LIPC: variants seen among roughly 807,000 people sequenced by gnomAD.
LIPC encodes the protein lipase C, hepatic type.
A neutral mutation model predicts 50.7 loss-of-function variants in LIPC; 44 were observed. That is an observed-to-expected ratio of 0.87 (90% CI 0.68 to 1.11). The LOEUF (loss-of-function observed/expected upper bound fraction) is 1.11, where lower values mean the gene tolerates loss of function less well. Among genes scored for constraint, LIPC ranks in the 50% most tolerant of loss-of-function variants. The pLI, the probability that LIPC is intolerant of heterozygous loss-of-function variation, is 0.00. For missense variants in LIPC, 697 were observed against 648.2 expected (o/e 1.08, Z -0.82); for synonymous variants, 271 against 256.4 (o/e 1.06, Z -0.54).
chr15:58,500,257 C>G (rs1869142), intron 1 of LIPC, among the ~76,000 whole-genome samples: 3 of 152,014 alleles, frequency 2.0e-5, no homozygotes, highest in African/African-American at 7.3e-5. Flanking sequence ...TCAGTTTCCT[C>G]GTAGGTAAGG....
chr15:58,548,306 C>A (rs1480840096), intron 5 of LIPC, 24 bp from the exon 6 acceptor site: 1 of 1,613,732 alleles, frequency 6.2e-7, no homozygotes, highest in South Asian at 1.1e-5. Context: ...GGGGTGATAA[C>A]GTCCTTCTTG....
chr15:58,538,763 G>A (rs1168943097), intron 2 of LIPC, among the ~76,000 whole-genome samples: 1 of 152,134 alleles, frequency 6.6e-6, no homozygotes, highest in East Asian at 1.9e-4. Context: ...GTGGCTCAAA[G>A]AGGCCACACA....
chr15:58,475,169 G>T (rs1890949064), intron 1 of LIPC, among the ~76,000 whole-genome samples: 1 of 152,140 alleles, frequency 6.6e-6, no homozygotes, highest in Non-Finnish European at 1.5e-5. Flanking sequence ...TCTCTCAAAT[G>T]TGTCCCCTGG....
At chr15:58,567,298 T>TAC (rs1370914770) in intron 8 of LIPC, among the ~76,000 whole-genome samples, 18 of 27,636 alleles carry the variant, frequency 6.5e-4, no homozygotes, top group South Asian at 1.6e-3. Flanking sequence ...TATATACATA[T>TAC]ATATATACAT....
At chr15:58,514,651 C>G (rs566508045) in intron 1 of LIPC, among the ~76,000 whole-genome samples, 3 of 152,206 alleles carry the variant, frequency 2.0e-5, no homozygotes, top group African/African-American at 7.2e-5. Flanking sequence ...TGGCAAAACC[C>G]CATCTCCAGT....
intron 4 of LIPC, among the ~76,000 whole-genome samples, chr15:58,544,931 T>A (rs1893470380): frequency 6.6e-6 from 1 of 152,232 alleles, no homozygotes; most frequent in African/African-American, 2.4e-5. Flanking sequence ...CACAGACATC[T>A]GTCACTTGAG....
In LIPC at chr15:58,568,931, C is replaced by G. The variant is rs1036847298; in HGVS notation, c.*104C>G. 1.5e-6 allele frequency: 1 copy of G among 661,804 alleles called. No homozygotes were observed. Among genetic ancestry groups the G allele is most frequent in the African/African-American group, 1.8e-5 (1 of 54,968 alleles). The allele number at this position is 661,804 out of a possible 1,614,324, so 41.0% of individuals were successfully genotyped here. A position where few individuals can be genotyped will look rare whatever the true frequency, so the allele number is the denominator to read the frequency against. ...ATTACATAAAGAATCTCACACAAAG[C>G]TTAAATAAAGTTTAGATTTAAGGGG... On this transcript the variant is annotated 3_prime_UTR_variant, in exon 9 of 9. Transcript: ENST00000299022.
chr15:58,484,110 G>T (rs1392165394), intron 1 of LIPC, among the ~76,000 whole-genome samples: 1 of 151,718 alleles, frequency 6.6e-6, no homozygotes, highest in Non-Finnish European at 1.5e-5. Flanking sequence ...TATCTTTTTG[G>T]CCTAACATCC....
rs552275538 is a variant in LIPC, at chr15:58,563,616, C to T, written c.1281C>T (p.Ala427=). The T allele has an allele frequency of 4.3e-6, 7 of 1,614,148 alleles. No individual in the cohort carries two copies. In the South Asian group the frequency reaches 5.5e-5, roughly 13 times the overall value. ...KFKWENSAVW[A]NVWDTVQTII... ...AGTGGGAAAACAGTGCAGTGTGGGC[C>T]AATGTCTGGGACACGGTCCAGACCA... The change falls in exon 8 of 9, where the codon GCC becomes GCT. Residue 427 remains alanine, a synonymous_variant. Coordinates refer to ENST00000299022, the MANE Select transcript of LIPC (RefSeq NM_000236.3).
At chr15:58,486,755 T>G (rs1455011128) in intron 1 of LIPC, among the ~76,000 whole-genome samples, 1 of 152,218 alleles carries the variant, frequency 6.6e-6, no homozygotes, top group Non-Finnish European at 1.5e-5. Flanking sequence ...AGAACTGGTT[T>G]TGCTTGTTTG....
chr15:58,470,597 C>CTTTTTTT (rs5812936), intron 1 of LIPC, among the ~76,000 whole-genome samples: 205 of 136,280 alleles, frequency 1.5e-3, no homozygotes, highest in Middle Eastern at 7.9e-3. Context: ...CATTTAACTC[C>CTTTTTTT]TTTTTTTTTT....
chr15:58,487,822 C>T (rs745962463), intron 1 of LIPC, among the ~76,000 whole-genome samples: 47 of 152,314 alleles, frequency 3.1e-4, no homozygotes, highest in Non-Finnish European at 4.9e-4. Context: ...CCGAGGTCAT[C>T]TTGTGTTGGC....
intron 5 of LIPC, among the ~76,000 whole-genome samples, chr15:58,547,198 A>T (rs1182176163): frequency 3.9e-5 from 6 of 152,100 alleles, no homozygotes; most frequent in Admixed American, 1.3e-4. Flanking sequence ...AGTCGTCTTC[A>T]CCCCTGTGTT....
intron 2 of LIPC, among the ~76,000 whole-genome samples, chr15:58,541,282 G>A (rs1461214762): frequency 1.3e-5 from 2 of 152,022 alleles, no homozygotes; most frequent in Non-Finnish European, 2.9e-5. Flanking sequence ...TGCCCATCCC[G>A]CTAAGTCCAG....
intron 1 of LIPC, among the ~76,000 whole-genome samples, chr15:58,485,509 C>T (rs1891344058): frequency 7.6e-6 from 1 of 131,878 alleles, no homozygotes; most frequent in African/African-American, 2.7e-5. Flanking sequence ...TCCAGACCCT[C>T]GCACGTGCTG....
intron 6 of LIPC, among the ~76,000 whole-genome samples, chr15:58,554,289 AG>A (rs1893860533): frequency 2.0e-5 from 3 of 152,170 alleles, no homozygotes; most frequent in Non-Finnish European, 4.4e-5. Flanking sequence ...ATCACATTCG[AG>A]GTCAATGGAC....
chr15:58,447,074 G>A (rs1444601159), intron 1 of LIPC, among the ~76,000 whole-genome samples: 1 of 142,514 alleles, frequency 7.0e-6, no homozygotes, highest in Non-Finnish European at 1.5e-5. Flanking sequence ...CTCAAACCTA[G>A]GAGGGTGGAG....
intron 6 of LIPC, among the ~76,000 whole-genome samples, chr15:58,559,715 A>AAAAAAAAAAAAC (rs1894091396): frequency 1.4e-5 from 2 of 145,074 alleles, no homozygotes; most frequent in African/African-American, 2.5e-5. Flanking sequence ...AAAAAAAAAA[A>AAAAAAAAAAAAC]AAAAAAAAAA....
intron 6 of LIPC, among the ~76,000 whole-genome samples, chr15:58,553,768 C>A (rs1468113384): frequency 5.3e-5 from 8 of 152,176 alleles, no homozygotes; most frequent in African/African-American, 1.7e-4. Context: ...CTTCTTCACT[C>A]GCGCCTGCTC....
Sources: allele counts gnomAD v4.1 joint callset (sites outside exome capture counted in the v4.1 genomes callset), GRCh38; gene constraint gnomAD v4.1.1; transcripts MANE v1.5; gene names NCBI Gene and HGNC (gene_info 2026-07-23, HGNC 2026-07-21).